Variants in TTK observed in about 807,000 individuals in gnomAD.
The protein encoded by TTK is TTK protein kinase, also known as dual specificity protein kinase TTK.
In TTK, 59 loss-of-function variants were observed where a neutral mutation model predicts 117.3. That is an observed-to-expected ratio of 0.50 (90% CI 0.41 to 0.62). The LOEUF is 0.62. Among genes scored for constraint, TTK ranks in the 20% least tolerant of loss-of-function variants. TTK has a pLI of 0.00. For missense variants in TTK, 921 were observed against 989.4 expected (o/e 0.93, Z 0.93); for synonymous variants, 302 against 325.0 (o/e 0.93, Z 0.76).
intron 10 of TTK, among the ~76,000 whole-genome samples, chr6:80,015,320 G>A (rs930938147): frequency 1.3e-5 from 2 of 152,138 alleles, no homozygotes; most frequent in African/African-American, 2.4e-5. Flanking sequence ...ATAAGACTAG[G>A]CGGACTTTGA....
chr6:80,009,727 G>A (rs1767093343), intron 4 of TTK, among the ~76,000 whole-genome samples: 1 of 152,068 alleles, frequency 6.6e-6, no homozygotes, highest in South Asian at 2.1e-4. Context: ...GTAATGCAGT[G>A]TGGTCAAATT....
chr6:80,026,663 A>T, intron 12 of TTK, 149 bp downstream of exon 12: 1 of 1,189,840 alleles, frequency 8.4e-7, no homozygotes, highest in East Asian at 2.6e-5. Flanking sequence ...CAGTGTTTTC[A>T]TCTATAAAAT....
chr6:80,024,934 T>C (rs1171502277), intron 11 of TTK, among the ~76,000 whole-genome samples: 1 of 152,220 alleles, frequency 6.6e-6, no homozygotes, highest in Non-Finnish European at 1.5e-5. Flanking sequence ...CATCTCTGAA[T>C]GTCCTGGTAA....
At chr6:80,037,797 T>A (rs1251405851) in intron 17 of TTK, 170 bp from the exon 18 acceptor site, 1 of 287,122 alleles carries the variant, frequency 3.5e-6, no homozygotes, top group Non-Finnish European at 6.3e-6. Flanking sequence ...AGGATATCAT[T>A]GAAATTTATA....
intron 11 of TTK, among the ~76,000 whole-genome samples, chr6:80,024,953 C>T (rs1767567027): frequency 6.6e-6 from 1 of 152,176 alleles, no homozygotes; most frequent in South Asian, 2.1e-4. Context: ...AACTCCCCAT[C>T]ATTCCTTGAA....
intron 21 of TTK, 135 bp downstream of exon 21, chr6:80,040,838 C>T: frequency 1.5e-6 from 1 of 681,364 alleles, no homozygotes; most frequent in Non-Finnish European, 2.4e-6. Context: ...CATTTAGATA[C>T]TTAACATGTG....
chr6:80,022,194 A>G, intron 10 of TTK, 130 bp from the exon 11 acceptor site: 3 of 1,009,934 alleles, frequency 3.0e-6, no homozygotes, highest in Non-Finnish European at 4.1e-6. Flanking sequence ...TAAAGCTTTT[A>G]GTTTCTCTCC....
chr6:80,031,483 C>A lies in TTK; in HGVS notation c.1538C>A (p.Ser513Ter). The A allele has an allele frequency of 6.6e-7, 1 of 1,506,956 alleles. No homozygotes were observed. Among genetic ancestry groups the A allele is most frequent in the Non-Finnish European group, 8.8e-7 (1 of 1,134,164 alleles). 93.3% of individuals were successfully genotyped at this position (1,506,956 alleles called of 1,614,324 possible). ...LQNLQVLASS[S>*]ANECISVKGR... The stretch of plus-strand genomic sequence containing the variant: ...CTTATTTAGGTTTTAGCATCTTCTT[C>A]AGCAAATGAATGCATTTCGGTTAAA... Residue 513 changes from serine to a stop codon, truncating the protein, a stop_gained, in exon 14 of 22, where the codon TCA (serine) becomes TAA (stop). Coordinates refer to ENST00000369798, the MANE Select transcript of TTK (RefSeq NM_003318.5). LOFTEE classifies it high-confidence loss of function.
At chr6:80,031,396 G>A (rs961087244) in intron 13 of TTK, 71 bp from the exon 14 acceptor site, 1 of 830,304 alleles carries the variant, frequency 1.2e-6, no homozygotes. Flanking sequence ...GGGAGCAGTT[G>A]ACTGTACCAA....
chr6:80,040,592 G>T lies in TTK; in HGVS notation c.2393-14G>T. ...TTCTTACTGGTACTAGTGTATTATT[G>T]ATTTATTTTATAGTTAACCAAATGG... On this transcript the variant is annotated splice_polypyrimidine_tract_variant and intron_variant, in intron 20 of 21. Transcript: ENST00000369798. 6.2e-7 allele frequency: 1 copy of T among 1,607,224 alleles called. No individual in the cohort carries two copies. The highest frequency in any genetic ancestry group is 1.1e-5 in the South Asian group (1 of 90,266).
intron 2 of TTK, among the ~76,000 whole-genome samples, chr6:80,007,568 A>G (rs1767025729): frequency 1.3e-5 from 2 of 152,082 alleles, no homozygotes; most frequent in Non-Finnish European, 2.9e-5. Context: ...CTTATTTCCA[A>G]ATGTTTTCTT....
At chr6:80,027,824 T>A in intron 12 of TTK, 61 bp from the exon 13 acceptor site, 2 of 1,313,618 alleles carry the variant, frequency 1.5e-6, no homozygotes, top group Non-Finnish European at 2.1e-6. Flanking sequence ...TACATGAAAC[T>A]GAATCAGACT....
rs1239053044 is a variant in TTK at position 80,008,048 on chromosome 6, T to G, written c.362+17T>G. On this transcript the variant is annotated intron_variant, in intron 3 of 21. Coordinates refer to ENST00000369798, the MANE Select transcript of TTK (RefSeq NM_003318.5). ...ATTAAAAGCGTAAGTATTAGCATTT[T>G]AACTATGTTCAACTATGTTACATAA... 1 of 1,610,532 alleles carries G rather than the reference T, an allele frequency of 6.2e-7. No individual in the cohort carries two copies. Among genetic ancestry groups the G allele is most frequent in the Admixed American group, 1.7e-5 (1 of 59,718 alleles).
chr6:80,007,760 C>A, intron 2 of TTK, 49 bp from the exon 3 acceptor site: 2 of 1,477,030 alleles, frequency 1.4e-6, no homozygotes, highest in South Asian at 1.3e-5. Flanking sequence ...TGCAATTTGG[C>A]ATTTGTTTTA....
chr6:80,004,742 G>T (rs542445708), intron 1 of TTK, 29 bp downstream of exon 1: 1 of 152,070 alleles, frequency 6.6e-6, no homozygotes, highest in Non-Finnish European at 1.5e-5. Flanking sequence ...GTGCACCGGC[G>T]CACTGAGGAA....
intron 18 of TTK, among the ~76,000 whole-genome samples, 173 bp downstream of exon 18, chr6:80,038,220 C>T (rs17254348): frequency 0.053 from 8,069 of 152,104 alleles, 243 homozygotes; most frequent in South Asian, 0.12. Context: ...ACCACTTATT[C>T]GTTTGTGAAT....
chr6:80,024,157 G>A (rs981033354), intron 11 of TTK, among the ~76,000 whole-genome samples: 1 of 152,212 alleles, frequency 6.6e-6, no homozygotes, highest in Admixed American at 6.5e-5. Context: ...TATGCTGCTA[G>A]TGGGAATGTA....
At position 80,026,403 on chromosome 6, in the gene TTK, C is replaced by G. The variant is rs774627664; in HGVS notation, c.1283C>G (p.Pro428Arg). 1.9e-6 allele frequency: 3 copies of G among 1,612,430 alleles called. No individual in the cohort carries two copies. In the South Asian group the frequency reaches 3.3e-5, roughly 18 times the overall value. Residue 428 changes from proline (P) to arginine (R), a missense_variant, in exon 12 of 22, where the codon CCT becomes CGT. Transcript: ENST00000369798. ...TEQKHTTFEQ[P>R]VFSVSKQSPP... ...CAGAAACATACCACTTTTGAGCAAC[C>G]TGTCTTTTCAGTTTCAAAACAGTCA...
At position 80,010,451 on chromosome 6, in the gene TTK, A is replaced by G. The variant is rs12665767; in HGVS notation, c.470-363A>G. Among the ~76,000 whole-genome samples, 34 of 150,256 alleles carry G rather than the reference A, an allele frequency of 2.3e-4. No individual in the cohort carries two copies. The East Asian group carries it at 6.2e-3, about 27-fold the overall frequency. Reference sequence around the variant, plus strand: ...CTCTTGGCACTTTTGTAACATCTAGAATGCCCTCCTGTTTCTAACTGTTGT... The same window carrying G: ...CTCTTGGCACTTTTGTAACATCTAGGATGCCCTCCTGTTTCTAACTGTTGT... On this transcript the variant is annotated intron_variant, in intron 4 of 21. Transcript: ENST00000369798.
Sources: allele counts gnomAD v4.1 joint callset (sites outside exome capture counted in the v4.1 genomes callset), GRCh38; gene constraint gnomAD v4.1.1; transcripts MANE v1.5; gene names NCBI Gene and HGNC (gene_info 2026-07-23, HGNC 2026-07-21).